Variants in SPOPL observed in about 807,000 individuals in gnomAD.
The protein encoded by SPOPL is speckle type BTB/POZ protein like.
A neutral mutation model predicts 53.8 loss-of-function variants in SPOPL; 23 were observed. The observed-to-expected ratio is 0.43, with a 90% CI of 0.31 to 0.61. SPOPL has a LOEUF of 0.61. Ranked by LOEUF, SPOPL falls within the 20% of genes least tolerant of loss-of-function variation. The probability of loss-of-function intolerance (pLI) is 0.12; values close to 1 mark genes in which losing one functional copy is unlikely to be tolerated. For synonymous variants in SPOPL, 164 were observed against 149.7 expected (o/e 1.10, Z -0.70); for missense variants, 442 against 466.9 (o/e 0.95, Z 0.49).
chr2:138,562,078 A>G (rs1192250877), intron 8 of SPOPL, among the ~76,000 whole-genome samples: 1 of 152,234 alleles, frequency 6.6e-6, no homozygotes, highest in East Asian at 1.9e-4. Flanking sequence ...CCATGGACTG[A>G]AAGTCTCAAT....
intron 1 of SPOPL, among the ~76,000 whole-genome samples, chr2:138,526,648 T>C (rs757780936): frequency 1.3e-5 from 2 of 152,068 alleles, no homozygotes; most frequent in African/African-American, 2.4e-5. Context: ...ACATTTTAAA[T>C]ATAGGATGTC....
intron 1 of SPOPL, among the ~76,000 whole-genome samples, chr2:138,536,085 A>G (rs188760384): frequency 1.3e-5 from 2 of 152,136 alleles, no homozygotes; most frequent in Non-Finnish European, 2.9e-5. Context: ...ACACATACTT[A>G]TTAATGGCTA....
intron 1 of SPOPL, among the ~76,000 whole-genome samples, chr2:138,535,904 A>G (rs931497225): frequency 6.6e-6 from 1 of 151,960 alleles, no homozygotes; most frequent in Non-Finnish European, 1.5e-5. Flanking sequence ...GTTCATATCT[A>G]CTGTTGACCT....
chr2:138,564,057 T>C (rs968897383), intron 8 of SPOPL, among the ~76,000 whole-genome samples: 2 of 152,224 alleles, frequency 1.3e-5, no homozygotes, highest in Non-Finnish European at 1.5e-5. Context: ...AAATGCAGAC[T>C]AATCTATAGT....
rs1268253080 is a variant in SPOPL at position 138,504,535 on chromosome 2, G to T, written c.-61+2416G>T. Among the ~76,000 whole-genome samples the T allele has an allele frequency of 2.0e-5, 3 of 152,282 alleles. No individual in the cohort carries two copies. In the East Asian group the frequency reaches 5.8e-4, roughly 29 times the overall value. ...TAACATCTACTCTATGCCTGGCACTGTTTCTTAGTTTTGTAAATATTCTTT... is the reference window on the plus strand; with the variant it reads ...TAACATCTACTCTATGCCTGGCACTTTTTCTTAGTTTTGTAAATATTCTTT... On this transcript the variant is annotated intron_variant, in intron 1 of 10. Transcript: ENST00000280098.
intron 1 of SPOPL, among the ~76,000 whole-genome samples, chr2:138,529,629 AT>A (rs1684763819): frequency 6.6e-6 from 1 of 151,864 alleles, no homozygotes; most frequent in Admixed American, 6.6e-5. Flanking sequence ...CAGTTGCTAT[AT>A]TTTAGGTTTA....
intron 8 of SPOPL, among the ~76,000 whole-genome samples, chr2:138,562,727 T>C (rs749919062): frequency 4.4e-4 from 62 of 139,938 alleles, no homozygotes; most frequent in Non-Finnish European, 5.4e-4. Flanking sequence ...GAGGTTGCAG[T>C]GAGCCAAGAT....
chr2:138,560,976 T>G, intron 8 of SPOPL, 49 bp downstream of exon 8: 8 of 1,573,626 alleles, frequency 5.1e-6, no homozygotes, highest in Non-Finnish European at 6.9e-6. Flanking sequence ...AAGCTTGATT[T>G]ATATAGAAAG....
chr2:138,538,819 A>G (rs955158726), intron 1 of SPOPL, among the ~76,000 whole-genome samples: 2 of 151,684 alleles, frequency 1.3e-5, no homozygotes, highest in Non-Finnish European at 2.9e-5. Context: ...ACATATGTAT[A>G]TATGTGCCAT....
At chr2:138,516,712 T>G (rs1228114166) in intron 1 of SPOPL, among the ~76,000 whole-genome samples, 2 of 152,164 alleles carry the variant, frequency 1.3e-5, no homozygotes, top group Non-Finnish European at 2.9e-5. Flanking sequence ...GGTATAGCAT[T>G]TGACTCACAC....
rs761228920 is a variant in SPOPL, at chr2:138,550,593, C to T, written c.189C>T (p.Asp63=). The T allele has an allele frequency of 6.3e-7, 1 of 1,597,770 alleles. No individual in the cohort carries two copies. The highest frequency in any genetic ancestry group is 1.8e-5 in the Admixed American group (1 of 56,934). ...KSSTFSSGPS[D]KMKWCLRVNP... is the part of the protein sequence containing the mutation. Reference sequence around the variant, plus strand: ...CAACATTTTCATCTGGCCCAAGTGACAAAATGAAATGGTAAGATTTTTGTT... The same window carrying T: ...CAACATTTTCATCTGGCCCAAGTGATAAAATGAAATGGTAAGATTTTTGTT... Residue 63 remains aspartate, a synonymous_variant, in exon 3 of 11, where the codon GAC becomes GAT. Coordinates refer to ENST00000280098, the MANE Select transcript of SPOPL (RefSeq NM_001001664.3).
At chr2:138,516,748 G>C (rs1558862591) in intron 1 of SPOPL, among the ~76,000 whole-genome samples, 2 of 152,358 alleles carry the variant, frequency 1.3e-5, no homozygotes, top group South Asian at 4.1e-4. Flanking sequence ...TTGGAAGAAG[G>C]CTGGAAAAGT....
rs558733038 is a variant in SPOPL, at chr2:138,561,653, T to G, written c.837+726T>G. 4.6e-5 allele frequency among the ~76,000 whole-genome samples: 7 copies of G among 152,314 alleles called. No homozygotes were observed. The East Asian group carries it at 1.3e-3, about 29-fold the overall frequency. ...TGACAACTGCACATGAATCTATGACTGTCTCAATAAAAACTTAAATTAAAA... is the reference window on the plus strand; with the variant it reads ...TGACAACTGCACATGAATCTATGACGGTCTCAATAAAAACTTAAATTAAAA... On this transcript the variant is annotated intron_variant, in intron 8 of 10. Coordinates refer to ENST00000280098, the MANE Select transcript of SPOPL (RefSeq NM_001001664.3).
rs768598451 is a variant in SPOPL at position 138,560,814 on chromosome 2, G to A, written c.724G>A (p.Glu242Lys). ...EMEESKKNRV[E>K]INDLDPEVFK... ...TGTTTTTCGATATCAGAATCGAGTG[G>A]AAATAAATGATTTAGACCCTGAAGT... Residue 242 changes from glutamate to lysine, a missense_variant, in exon 8 of 11, where the codon GAA becomes AAA. By Grantham distance (56) the Glu-to-Lys change is moderately conservative. Transcript: ENST00000280098. The A allele has an allele frequency of 3.2e-5, 51 of 1,590,442 alleles. No individual in the cohort carries two copies. Among genetic ancestry groups the A allele is most frequent in the Admixed American group, 1.5e-4 (8 of 54,974 alleles).
intron 1 of SPOPL, among the ~76,000 whole-genome samples, 188 bp downstream of exon 1, chr2:138,502,307 C>A (rs1185995621): frequency 2.0e-5 from 3 of 152,144 alleles, no homozygotes; most frequent in Admixed American, 1.3e-4. Flanking sequence ...CGCCCCCGGA[C>A]CGCCCTTCCC....
At chr2:138,531,115 A>T (rs562252854) in intron 1 of SPOPL, among the ~76,000 whole-genome samples, 2 of 151,936 alleles carry the variant, frequency 1.3e-5, no homozygotes, top group Non-Finnish European at 2.9e-5. Flanking sequence ...TCTGATTTTG[A>T]TCTAGTCTAA....
chr2:138,535,128 C>G (rs1363212804), intron 1 of SPOPL, among the ~76,000 whole-genome samples: 1 of 152,110 alleles, frequency 6.6e-6, no homozygotes, highest in Admixed American at 6.6e-5. Context: ...GCTGTGATTG[C>G]ATCACTGTAT....
intron 1 of SPOPL, among the ~76,000 whole-genome samples, chr2:138,526,725 G>A (rs1208703500): frequency 1.5e-5 from 2 of 131,340 alleles, no homozygotes; most frequent in South Asian, 2.6e-4. Flanking sequence ...ATAGAGTATG[G>A]AATTTTTTTT....
chr2:138,543,239 C>G (rs1573893959), intron 1 of SPOPL, among the ~76,000 whole-genome samples: 1 of 152,078 alleles, frequency 6.6e-6, no homozygotes, highest in South Asian at 2.1e-4. Flanking sequence ...CGAGGAGTAT[C>G]TTTGTGGCAT....
Sources: gnomAD v4.1 joint callset for allele counts (sites outside exome capture counted in the v4.1 genomes callset) on GRCh38, gnomAD v4.1.1 for gene constraint, MANE v1.5 for transcripts, NCBI Gene and HGNC (gene_info 2026-07-23, HGNC 2026-07-21) for gene names.